The following KIF6 variants were observed in gnomAD, a reference collection of about 807,000 sequenced individuals.
KIF6 encodes the protein kinesin-like protein KIF6.
In KIF6, 106 loss-of-function variants were observed where a neutral mutation model predicts 112.7. The observed-to-expected ratio is 0.94, with a 90% CI of 0.80 to 1.11. The LOEUF is 1.11. Among genes scored for constraint, KIF6 ranks in the 50% least tolerant of loss-of-function variants. The pLI, the probability that KIF6 is intolerant of heterozygous loss-of-function variation, is 0.00. For synonymous variants in KIF6, 339 were observed against 339.9 expected (o/e 1.00, Z 0.03); for missense variants, 929 against 964.0 (o/e 0.96, Z 0.48).
At chr6:39,359,896 A>G (rs576875797) in intron 18 of KIF6, among the ~76,000 whole-genome samples, 58 of 152,292 alleles carry the variant, frequency 3.8e-4, no homozygotes, top group Non-Finnish European at 7.4e-4. Flanking sequence ...GCCTGATTCT[A>G]TTTGTACAAA....
Position 39,586,304 on chromosome 6 carries a change from G to C in KIF6, c.947C>G (p.Thr316Arg). 6.2e-7 allele frequency: 1 copy of C among 1,614,040 alleles called. No individual in the cohort carries two copies. The highest frequency in any genetic ancestry group is 8.5e-7 in the Non-Finnish European group (1 of 1,179,908). ...CAAGGAGAGTGTTGCAATCATAGTT[G>C]TCATGCAGTTCCCTCCCAAACTGTC... ...LRDSLGGNCM[T>R]TMIATLSLEK... Residue 316 changes from threonine to arginine, a missense_variant, in exon 8 of 23, where the codon ACA becomes AGA. Physicochemically the swap from Thr to Arg is moderately conservative, Grantham distance 71. Around this residue, in one of 2 missense-constraint regions of KIF6, gnomAD observed 688 missense variants for 662.7 expected, o/e 1.04. Transcript: ENST00000287152.
chr6:39,355,726 T>C (rs370994235), intron 19 of KIF6, among the ~76,000 whole-genome samples: 1 of 151,924 alleles, frequency 6.6e-6, no homozygotes, highest in East Asian at 1.9e-4. Context: ...CCTCCCAAAA[T>C]GCTGGGATTA....
chr6:39,533,014 A>C (rs1050093042), intron 13 of KIF6, among the ~76,000 whole-genome samples: 7 of 152,206 alleles, frequency 4.6e-5, no homozygotes, highest in African/African-American at 2.4e-5. Context: ...AAAAGCTGGA[A>C]ACAGGAGGGA....
At position 39,701,581 on chromosome 6, in the gene KIF6, A is replaced by T. The variant is rs531286417; in HGVS notation, c.251+13111T>A. The stretch of plus-strand genomic sequence containing the variant: ...GACTTCACTTACAAAACATACGTTC[A>T]AAGATAAAATTGTTAAGAATTTCAA... On this transcript the variant is annotated intron_variant, in intron 3 of 22. Transcript: ENST00000287152. Among the ~76,000 whole-genome samples the T allele has an allele frequency of 2.6e-4, 39 of 152,366 alleles. No homozygotes were observed. The South Asian group carries it at 4.8e-3, about 19-fold the overall frequency.
Position 39,714,754 on chromosome 6 carries a change from A to C in KIF6, c.189T>G (p.Ile63Met). The C allele has an allele frequency of 6.2e-7, 1 of 1,610,482 alleles. No individual in the cohort carries two copies. Among genetic ancestry groups the C allele is most frequent in the Non-Finnish European group, 8.5e-7 (1 of 1,176,864 alleles). Residue 63 changes from isoleucine (I) to methionine (M), a missense_variant, in exon 3 of 23, where the codon ATT becomes ATG. Physicochemically the swap from Ile to Met is conservative, Grantham distance 10. This residue lies in a region of KIF6 where 688 missense variants were observed against 662.7 expected (regional missense o/e 1.04). Coordinates refer to ENST00000287152, the MANE Select transcript of KIF6 (RefSeq NM_145027.6). Reference protein sequence around the residue: ...RESYKFKFQRIFDQDANQETV... With the variant: ...RESYKFKFQRMFDQDANQETV... The stretch of plus-strand genomic sequence containing the variant: ...TCTCTTGGTTTGCATCCTGATCAAA[A>C]ATTCTTTGAAATCTGCAATGTGAAA...
chr6:39,500,176 G>C (rs1776038647), intron 13 of KIF6, among the ~76,000 whole-genome samples: 1 of 152,196 alleles, frequency 6.6e-6, no homozygotes. Context: ...GGCATAGAAG[G>C]TTAACTGAAT....
At chr6:39,513,024 T>C (rs1463927821) in intron 13 of KIF6, among the ~76,000 whole-genome samples, 1 of 152,184 alleles carries the variant, frequency 6.6e-6, no homozygotes, top group Non-Finnish European at 1.5e-5. Context: ...GGCTCAGAGA[T>C]GTTAAATAAT....
chr6:39,414,397 A>G (rs1769745348), intron 15 of KIF6, among the ~76,000 whole-genome samples: 1 of 152,180 alleles, frequency 6.6e-6, no homozygotes, highest in African/African-American at 2.4e-5. Context: ...TCTCCAAACC[A>G]CTGAAAATGA....
At chr6:39,452,194 G>T (rs545711718) in intron 13 of KIF6, among the ~76,000 whole-genome samples, 1 of 151,188 alleles carries the variant, frequency 6.6e-6, no homozygotes, top group Non-Finnish European at 1.5e-5. Context: ...GGCCCCAATT[G>T]CCCTCATCTG....
At chr6:39,632,996 TTTGA>T (rs1784437752) in intron 5 of KIF6, among the ~76,000 whole-genome samples, 1 of 151,760 alleles carries the variant, frequency 6.6e-6, no homozygotes, top group South Asian at 2.1e-4. Flanking sequence ...CATTAGAAAG[TTTGA>T]TTGAGTGATG....
chr6:39,499,330 T>G (rs1775972520), intron 13 of KIF6, among the ~76,000 whole-genome samples: 1 of 145,608 alleles, frequency 6.9e-6, no homozygotes, highest in Non-Finnish European at 1.5e-5. Context: ...GTTGGCCAGA[T>G]TTTTTTTTTT....
rs556714321 is a variant in KIF6 at position 39,494,777 on chromosome 6, A to G, written c.1645+45226T>C. On this transcript the variant is annotated intron_variant, in intron 13 of 22. Transcript: ENST00000287152. ...TAACCAAATAGGTAAAATCCATAAG[A>G]AATGTCCTTATGACAAGTTTTTTTT... Among the ~76,000 whole-genome samples, 4 of 152,358 alleles carry G rather than the reference A, an allele frequency of 2.6e-5. No homozygotes were observed. In the East Asian group the frequency reaches 7.7e-4, roughly 29 times the overall value.
intron 3 of KIF6, among the ~76,000 whole-genome samples, chr6:39,682,772 G>T (rs189681877): frequency 9.5e-4 from 145 of 152,270 alleles, no homozygotes; most frequent in African/African-American, 3.3e-3. Flanking sequence ...TAGAGATGGG[G>T]TTTCACCATG....
chr6:39,517,995 G>C (rs1777174897), intron 13 of KIF6, among the ~76,000 whole-genome samples: 1 of 152,206 alleles, frequency 6.6e-6, no homozygotes, highest in Admixed American at 6.5e-5. Flanking sequence ...AACAAAGTGG[G>C]TCAAAGGAAT....
chr6:39,586,172 G>C (rs1781618391), intron 8 of KIF6, 89 bp downstream of exon 8: 3 of 1,396,066 alleles, frequency 2.1e-6, no homozygotes, highest in South Asian at 1.2e-5. Context: ...AGCTGAAAAT[G>C]TAGAAACCCA....
intron 13 of KIF6, among the ~76,000 whole-genome samples, chr6:39,496,585 C>A (rs1320863565): frequency 6.6e-6 from 1 of 152,152 alleles, no homozygotes; most frequent in Admixed American, 6.5e-5. Flanking sequence ...CCAACTCCAT[C>A]TGCAAGCCTG....
chr6:39,613,360 T>G (rs764090436), intron 5 of KIF6, 42 bp from the exon 6 acceptor site: 1 of 1,509,148 alleles, frequency 6.6e-7, no homozygotes, highest in East Asian at 2.4e-5. Context: ...CTGCTGAGAA[T>G]GAAAAGAACT....
chr6:39,422,098 G>A (rs1007309965), intron 14 of KIF6, among the ~76,000 whole-genome samples: 2 of 152,110 alleles, frequency 1.3e-5, no homozygotes, highest in South Asian at 2.1e-4. Context: ...TAGACTCTTC[G>A]GAATAAGGAA....
At chr6:39,651,988 TG>T (rs1403323662) in intron 3 of KIF6, among the ~76,000 whole-genome samples, 3 of 152,118 alleles carry the variant, frequency 2.0e-5, no homozygotes, top group South Asian at 4.1e-4. Context: ...TTATGGCCTA[TG>T]GAACTATGTA....
Sources: gnomAD v4.1 joint callset for allele counts (sites outside exome capture counted in the v4.1 genomes callset) on GRCh38, gnomAD v4.1.1 for gene constraint, gnomAD v4.1.1 regional missense constraint, MANE v1.5 for transcripts, NCBI Gene and HGNC (gene_info 2026-07-23, HGNC 2026-07-21) for gene names.